MREG: variants seen among roughly 807,000 people sequenced by gnomAD.
MREG encodes the protein melanoregulin.
Under a neutral mutation model 28.5 loss-of-function variants are expected in MREG, and 31 were observed. That is an observed-to-expected ratio of 1.09 (90% CI 0.82 to 1.47). MREG has a LOEUF of 1.47. MREG is among the 40% of genes most tolerant of loss of function. The pLI, the probability that MREG is intolerant of heterozygous loss-of-function variation, is 0.00. For synonymous variants in MREG, 106 were observed against 95.2 expected, an observed-to-expected ratio of 1.11 and a Z score of -0.66; for missense variants, 256 against 257.4, an observed-to-expected ratio of 0.99 and a Z score of 0.04.
chr2:215,990,020 C>A (rs1320605843), intron 2 of MREG, among the ~76,000 whole-genome samples: 1 of 152,096 alleles, frequency 6.6e-6, no homozygotes, highest in Non-Finnish European at 1.5e-5. Context: ...GACAGGCCAA[C>A]ATTCAAATTC....
intron 2 of MREG, among the ~76,000 whole-genome samples, chr2:215,984,691 T>C (rs1023482565): frequency 6.6e-6 from 1 of 152,034 alleles, no homozygotes; most frequent in African/African-American, 2.4e-5. Context: ...TGAAATATTT[T>C]GGAGGTAATA....
At chr2:215,970,751 C>T (rs1001155506) in intron 2 of MREG, among the ~76,000 whole-genome samples, 4 of 152,116 alleles carry the variant, frequency 2.6e-5, no homozygotes, top group African/African-American at 4.8e-5. Flanking sequence ...AAACGTTACA[C>T]GAGAAAGCAC....
Position 215,944,524 on chromosome 2 carries a change from C to A in MREG, c.*339G>T. Reference sequence around the variant, plus strand: ...TATTGTTTTATTAACTGAAATAGTCCACTCAGTCAGTAGGATTAATGATCA... The same window carrying A: ...TATTGTTTTATTAACTGAAATAGTCAACTCAGTCAGTAGGATTAATGATCA... On this transcript the variant is annotated 3_prime_UTR_variant, in exon 5 of 5. Transcript: ENST00000263268. 1 of 178,364 alleles carries A rather than the reference C, an allele frequency of 5.6e-6. No individual in the cohort carries two copies. Among genetic ancestry groups the A allele is most frequent in the Non-Finnish European group, 1.2e-5 (1 of 85,198 alleles). The allele number at this position is 178,364 out of a possible 1,614,324, so 11.0% of individuals were successfully genotyped here. A position where few individuals can be genotyped will look rare whatever the true frequency, so the allele number is the denominator to read the frequency against.
chr2:215,958,764 A>G (rs891815981), intron 2 of MREG, among the ~76,000 whole-genome samples: 56 of 152,288 alleles, frequency 3.7e-4, no homozygotes, highest in African/African-American at 1.3e-3. Context: ...GATTTAGGGG[A>G]GTCTTATAGT....
intron 1 of MREG, among the ~76,000 whole-genome samples, chr2:216,024,100 C>A (rs1013795232): frequency 2.6e-5 from 4 of 152,182 alleles, no homozygotes; most frequent in African/African-American, 7.2e-5. Flanking sequence ...CTAAGCTCCA[C>A]TCTCCCTTGC....
intron 2 of MREG, among the ~76,000 whole-genome samples, chr2:215,967,022 C>T (rs1194036675): frequency 3.3e-5 from 5 of 152,322 alleles, no homozygotes; most frequent in East Asian, 1.9e-4. Context: ...CTTACAAACG[C>T]TGATGCCAAA....
intron 1 of MREG, among the ~76,000 whole-genome samples, chr2:216,031,565 A>G (rs1480622380): frequency 1.4e-5 from 2 of 146,172 alleles, no homozygotes; most frequent in African/African-American, 2.6e-5. Flanking sequence ...GAGGGAGGGA[A>G]GGAAGGAAGG....
chr2:215,953,922 A>C (rs921573327), intron 2 of MREG, among the ~76,000 whole-genome samples: 8 of 152,252 alleles, frequency 5.3e-5, no homozygotes, highest in South Asian at 4.1e-4. Flanking sequence ...TTCAGTGCAT[A>C]GATTTATCTA....
chr2:215,984,248 A>G (rs936108973), intron 2 of MREG, among the ~76,000 whole-genome samples: 5 of 152,180 alleles, frequency 3.3e-5, no homozygotes, highest in Non-Finnish European at 7.3e-5. Flanking sequence ...ACTTGCCCCC[A>G]TGATTGAATT....
intron 2 of MREG, among the ~76,000 whole-genome samples, chr2:215,989,946 A>G (rs1435835988): frequency 6.6e-6 from 1 of 152,158 alleles, no homozygotes; most frequent in East Asian, 1.9e-4. Context: ...TGATGGGGAG[A>G]GTGGAACCAA....
At chr2:215,989,813 T>A (rs553705668) in intron 2 of MREG, among the ~76,000 whole-genome samples, 19 of 151,566 alleles carry the variant, frequency 1.3e-4, no homozygotes, top group Non-Finnish European at 2.4e-4. Flanking sequence ...AAGATCAACT[T>A]AATGAAATAA....
At chr2:216,006,506 G>A (rs149447627) in intron 1 of MREG, among the ~76,000 whole-genome samples, 49 of 152,332 alleles carry the variant, frequency 3.2e-4, no homozygotes, top group African/African-American at 4.6e-4. Context: ...ATCATTGTCC[G>A]GCCCCGGAGC....
chr2:215,942,304 G>A (rs1692207581), downstream of MREG, among the ~76,000 whole-genome samples: 1 of 152,092 alleles, frequency 6.6e-6, no homozygotes, highest in Admixed American at 6.5e-5. Context: ...TCGACAGGGA[G>A]ACAAAAAGTG....
chr2:216,015,745 TGGAATTTGAAGGTAGAGCCAACAG>T (rs970817437), upstream of MREG, among the ~76,000 whole-genome samples: 4 of 152,086 alleles, frequency 2.6e-5, no homozygotes, highest in Non-Finnish European at 5.9e-5. Flanking sequence ...GGACTCTAGC[TGGAATTTGAAGGTAGAGCCAACAG>T]GATATGCTGA....
intron 2 of MREG, among the ~76,000 whole-genome samples, chr2:215,966,759 G>T (rs866834499): frequency 6.6e-6 from 1 of 151,914 alleles, no homozygotes; most frequent in East Asian, 1.9e-4. Context: ...GTGCCACCAC[G>T]CCTGGCTAAT....
At chr2:216,022,876 T>G (rs1376056938) in intron 1 of MREG, among the ~76,000 whole-genome samples, 1 of 152,190 alleles carries the variant, frequency 6.6e-6, no homozygotes, top group East Asian at 1.9e-4. Context: ...AGTTGCAAAA[T>G]AGGAGAAAAT....
rs374725029 is a variant in MREG at position 216,024,951 on chromosome 2, G to GGGAAA, written c.-68+7833_-68+7837dup. Among the ~76,000 whole-genome samples the GGGAAA allele has an allele frequency of 5.6e-3, 594 of 105,228 alleles. 6 individuals carry two copies. The highest frequency in any genetic ancestry group is 0.027 in the African/African-American group (556 of 20,746). The allele number at this position is 105,228 out of a possible 152,430, so 69.0% of individuals were successfully genotyped here. Reference sequence around the variant, plus strand: ...AGGAACGGAAAGGAAGGGAAAGGAAGGGAAAGGAAAGGAAAGGAAAGGAAA... The same window carrying GGGAAA: ...AGGAACGGAAAGGAAGGGAAAGGAAGGGAAAGGAAAGGAAAGGAAAGGAAAGGAAA... On this transcript the variant is annotated intron_variant, in intron 1 of 3. Transcript: ENST00000420348.
intron 1 of MREG, among the ~76,000 whole-genome samples, chr2:215,999,837 T>C (rs868346453): frequency 1.6e-4 from 25 of 152,016 alleles, no homozygotes; most frequent in Admixed American, 1.6e-3. Context: ...TTCAGGGAGA[T>C]GTCAGGGATC....
intron 2 of MREG, among the ~76,000 whole-genome samples, chr2:215,961,254 A>G (rs1427800915): frequency 6.6e-6 from 1 of 152,082 alleles, no homozygotes; most frequent in African/African-American, 2.4e-5. Context: ...ACTCTGGAGC[A>G]CTCCCTTTAA....
Sources: allele counts gnomAD v4.1 joint callset (sites outside exome capture counted in the v4.1 genomes callset), GRCh38; gene constraint gnomAD v4.1.1; transcripts MANE v1.5; gene names NCBI Gene and HGNC (gene_info 2026-07-23, HGNC 2026-07-21).